Variants in GABRB1 observed in about 807,000 individuals in gnomAD.
GABRB1 encodes gamma-aminobutyric acid receptor subunit beta-1.
In GABRB1, 17 loss-of-function variants were observed where a neutral mutation model predicts 51.6. The observed-to-expected ratio is 0.33, with a 90% confidence interval of 0.23 to 0.49. GABRB1 has a LOEUF of 0.49. Ranked by LOEUF, GABRB1 falls within the 20% of genes least tolerant of loss-of-function variation. The probability of loss-of-function intolerance (pLI) is 0.99; values close to 1 mark genes in which losing one functional copy is unlikely to be tolerated. For synonymous variants in GABRB1, 247 were observed against 218.9 expected, an observed-to-expected ratio of 1.13 and a Z score of -1.14; for missense variants, 410 against 600.6, an observed-to-expected ratio of 0.68 and a Z score of 3.32.
At chr4:47,072,244 T>C (rs1000718929) in intron 3 of GABRB1, among the ~76,000 whole-genome samples, 8 of 152,226 alleles carry the variant, frequency 5.3e-5, no homozygotes, top group African/African-American at 1.9e-4. Context: ...TGGCTTCCTG[T>C]GGCTTTACCA....
chr4:47,386,120 G>A (rs1727787527), intron 5 of GABRB1, among the ~76,000 whole-genome samples: 1 of 152,146 alleles, frequency 6.6e-6, no homozygotes, highest in Non-Finnish European at 1.5e-5. Flanking sequence ...CTGCTCTCTG[G>A]AGGTTGAGGT....
At chr4:47,070,247 C>G (rs1314530185) in intron 3 of GABRB1, among the ~76,000 whole-genome samples, 1 of 151,916 alleles carries the variant, frequency 6.6e-6, no homozygotes, top group Non-Finnish European at 1.5e-5. Context: ...TATTGGTTAG[C>G]CTGGTCTCAA....
chr4:47,184,628 T>G (rs1197271765), intron 4 of GABRB1, among the ~76,000 whole-genome samples: 1 of 151,902 alleles, frequency 6.6e-6, no homozygotes, highest in Non-Finnish European at 1.5e-5. Context: ...CCCCATGAGC[T>G]GGGTTAGACT....
At chr4:47,190,684 T>A (rs767517893) in intron 4 of GABRB1, among the ~76,000 whole-genome samples, 4 of 152,112 alleles carry the variant, frequency 2.6e-5, no homozygotes, top group African/African-American at 7.2e-5. Context: ...GGACCAGGCT[T>A]TAAACCTCAG....
intron 3 of GABRB1, among the ~76,000 whole-genome samples, chr4:47,133,689 A>G (rs1324502721): frequency 6.6e-6 from 1 of 152,098 alleles, no homozygotes; most frequent in Non-Finnish European, 1.5e-5. Flanking sequence ...TCATGATTAG[A>G]TTCAGGTTAC....
intron 1 of GABRB1, among the ~76,000 whole-genome samples, chr4:47,019,635 C>CTT (rs1553909520): frequency 3.3e-5 from 4 of 121,638 alleles, no homozygotes; most frequent in Non-Finnish European, 6.6e-5. Context: ...CTCTTTCTTT[C>CTT]TTTCTTTCTT....
At chr4:47,322,160 C>T (rs1725108044) in intron 5 of GABRB1, among the ~76,000 whole-genome samples, 1 of 152,000 alleles carries the variant, frequency 6.6e-6, no homozygotes, top group African/African-American at 2.4e-5. Context: ...CCAGATAGCC[C>T]AAAGTAATCA....
intron 4 of GABRB1, among the ~76,000 whole-genome samples, chr4:47,209,595 CT>C (rs1355947488): frequency 1.3e-5 from 2 of 151,996 alleles, no homozygotes; most frequent in African/African-American, 4.8e-5. Context: ...TCAGTCTCCC[CT>C]AATAAGCTAT....
At chr4:47,180,214 TCA>T (rs1718886373) in intron 4 of GABRB1, among the ~76,000 whole-genome samples, 1 of 151,956 alleles carries the variant, frequency 6.6e-6, no homozygotes, top group African/African-American at 2.4e-5. Context: ...CAGATCCCAT[TCA>T]CATAGTGGAA....
At chr4:47,098,151 AACAC>A (rs59294163) in intron 3 of GABRB1, among the ~76,000 whole-genome samples, 3,572 of 148,192 alleles carry the variant, frequency 0.024, 76 homozygotes, top group African/African-American at 0.054. Context: ...TTTTAGTACA[AACAC>A]ACACACACAC....
At chr4:47,060,025 C>G (rs1418493303) in intron 3 of GABRB1, among the ~76,000 whole-genome samples, 1 of 152,182 alleles carries the variant, frequency 6.6e-6, no homozygotes, top group African/African-American at 2.4e-5. Context: ...TCATCAATCA[C>G]TCATGTCATT....
intron 3 of GABRB1, among the ~76,000 whole-genome samples, chr4:47,076,458 C>T (rs1577885103): frequency 2.0e-5 from 3 of 152,208 alleles, no homozygotes; most frequent in Admixed American, 2.0e-4. Flanking sequence ...TGTTAACCAG[C>T]CCCAGTCCAG....
chr4:47,007,866 G>GTATGTATATATATATATATATATA (rs1724453435), intron 1 of GABRB1, among the ~76,000 whole-genome samples: 2 of 49,972 alleles, frequency 4.0e-5, no homozygotes, highest in Admixed American at 2.1e-4. Flanking sequence ...CTTGGAACTG[G>GTATGTATATATATATATATATATA]TATATATATA....
chr4:47,018,351 C>A (rs902497929), intron 1 of GABRB1, among the ~76,000 whole-genome samples: 1 of 152,048 alleles, frequency 6.6e-6, no homozygotes, highest in Admixed American at 6.6e-5. Context: ...CATGCCTGGC[C>A]TTCTTTTCTT....
At chr4:47,253,951 T>A (rs982423903) in intron 4 of GABRB1, among the ~76,000 whole-genome samples, 8 of 152,208 alleles carry the variant, frequency 5.3e-5, no homozygotes, top group Admixed American at 4.6e-4. Flanking sequence ...ATAAAATGGA[T>A]AACATCTCTT....
At chr4:47,026,197 A>AT (rs1725086761) in intron 1 of GABRB1, among the ~76,000 whole-genome samples, 1 of 151,998 alleles carries the variant, frequency 6.6e-6, no homozygotes, top group South Asian at 2.1e-4. Flanking sequence ...CGTTTCTAGC[A>AT]TTTTTTATTA....
Position 47,426,269 on chromosome 4 carries a change from T to G in GABRB1, c.*251T>G. On this transcript the variant is annotated 3_prime_UTR_variant, in exon 9 of 9. Transcript: ENST00000295454. ...TTAAGAGCTCTATTAATTGCCATGT[T>G]TACAAACAAACACAAAGAGAGAAGT... 1 of 316,406 alleles carries G rather than the reference T, an allele frequency of 3.2e-6. No individual in the cohort carries two copies. The highest frequency in any genetic ancestry group is 5.7e-6 in the Non-Finnish European group (1 of 174,052). 19.6% of individuals were successfully genotyped at this position (316,406 alleles called of 1,614,324 possible).
At chr4:47,063,037 A>G (rs1038541880) in intron 3 of GABRB1, among the ~76,000 whole-genome samples, 1 of 152,156 alleles carries the variant, frequency 6.6e-6, no homozygotes, top group Non-Finnish European at 1.5e-5. Context: ...CTTCTTACTC[A>G]AAACCGTTTA....
intron 3 of GABRB1, among the ~76,000 whole-genome samples, chr4:47,046,141 C>A (rs963702381): frequency 6.6e-6 from 1 of 152,048 alleles, no homozygotes; most frequent in African/African-American, 2.4e-5. Context: ...GTGCCCTCTG[C>A]CATGATTGTA....
Sources: gnomAD v4.1 joint callset for allele counts (sites outside exome capture counted in the v4.1 genomes callset) on GRCh38, gnomAD v4.1.1 for gene constraint, MANE v1.5 for transcripts, NCBI Gene and HGNC (gene_info 2026-07-23, HGNC 2026-07-21) for gene names.